The following CSMD1 variants were observed in gnomAD, a reference collection of about 807,000 sequenced individuals.
CSMD1 encodes the protein CUB and Sushi multiple domains 1.
CSMD1 carries 213 observed loss-of-function variants against 417.5 expected under a neutral mutation model. The observed-to-expected ratio is 0.51, with a 90% CI of 0.46 to 0.57. CSMD1 has a LOEUF of 0.57. Ranked by LOEUF, CSMD1 falls within the 20% of genes least tolerant of loss-of-function variation. The pLI, the probability that CSMD1 is intolerant of heterozygous loss-of-function variation, is 0.00. For missense variants in CSMD1, 6,923 were observed against 4,529.7 expected (o/e 1.53, Z -15.17); for synonymous variants, 2,862 against 1,736.8 (o/e 1.65, Z -16.11).
rs541140650 is a variant in CSMD1 at position 3,098,243 on chromosome 8, G to C, written c.6950-1206C>G. 1.1e-4 allele frequency among the ~76,000 whole-genome samples: 16 copies of C among 152,236 alleles called. No homozygotes were observed. The South Asian group carries it at 3.3e-3, about 31-fold the overall frequency. ...TTTTCCTTAATGAAAAAGAGCTTTT[G>C]TTAAATTTATTTATTGAGTTATCGC... is the stretch of plus-strand genomic sequence containing the variant. On this transcript the variant is annotated intron_variant, in intron 46 of 69. Transcript: ENST00000635120.
At chr8:4,985,400 G>C (rs1052866325) in intron 1 of CSMD1, among the ~76,000 whole-genome samples, 2 of 152,040 alleles carry the variant, frequency 1.3e-5, no homozygotes, top group African/African-American at 2.4e-5. Context: ...TGTGGTGTAG[G>C]TGAATAGGAA....
Position 3,819,751 on chromosome 8 carries a change from G to A in CSMD1, c.819-65709C>T, listed in dbSNP as rs563701809. 6.6e-5 allele frequency among the ~76,000 whole-genome samples: 10 copies of A among 152,158 alleles called. No homozygotes were observed. In the South Asian group the frequency reaches 1.7e-3, roughly 25 times the overall value. ...ACAGGCACATGTGGTACCATGATCA[G>A]CTAATTTTTAAAAATTATATAGAGA... On this transcript the variant is annotated intron_variant, in intron 5 of 69. Coordinates refer to ENST00000635120, the MANE Select transcript of CSMD1 (RefSeq NM_033225.6).
chr8:4,072,231 G>C lies in CSMD1; in HGVS notation c.416-40132C>G, dbSNP rs1240375967. On this transcript the variant is annotated intron_variant, in intron 3 of 69. Coordinates refer to ENST00000635120, the MANE Select transcript of CSMD1 (RefSeq NM_033225.6). ...TTTTATATTTCATCCACAGTTGCAA[G>C]TGAAGAAGGGTTGAATCCCATAGGA... Among the ~76,000 whole-genome samples the C allele has an allele frequency of 2.0e-5, 3 of 152,178 alleles. No individual in the cohort carries two copies. The East Asian group carries it at 5.8e-4, about 29-fold the overall frequency.
chr8:4,166,106 A>G (rs1051070664), intron 3 of CSMD1, among the ~76,000 whole-genome samples: 51 of 152,216 alleles, frequency 3.4e-4, no homozygotes, highest in African/African-American at 1.2e-3. Flanking sequence ...ATGAGGTCAT[A>G]GAGCAGCACT....
chr8:3,757,160 C>A (rs1221969668), intron 5 of CSMD1, among the ~76,000 whole-genome samples: 1 of 152,250 alleles, frequency 6.6e-6, no homozygotes, highest in Non-Finnish European at 1.5e-5. Flanking sequence ...AATCCCCTCT[C>A]TACCACCACC....
chr8:3,896,380 A>C (rs1235831117), intron 5 of CSMD1, among the ~76,000 whole-genome samples: 1 of 152,222 alleles, frequency 6.6e-6, no homozygotes, highest in African/African-American at 2.4e-5. Flanking sequence ...GTCCAAACAG[A>C]TGTTAACAAC....
intron 9 of CSMD1, among the ~76,000 whole-genome samples, chr8:3,583,991 G>A (rs913561141): frequency 2.6e-5 from 4 of 151,822 alleles, no homozygotes; most frequent in African/African-American, 9.7e-5. Flanking sequence ...TTGTCTAACT[G>A]AGTCAACACT....
chr8:4,181,142 T>A (rs948745982), intron 3 of CSMD1, among the ~76,000 whole-genome samples: 1 of 152,176 alleles, frequency 6.6e-6, no homozygotes, highest in African/African-American at 2.4e-5. Flanking sequence ...AACAGCCATC[T>A]ATTTTGGTGT....
chr8:4,294,053 G>A (rs1321703796), intron 3 of CSMD1, among the ~76,000 whole-genome samples: 1 of 152,164 alleles, frequency 6.6e-6, no homozygotes, highest in Non-Finnish European at 1.5e-5. Context: ...TGGTTCTCAA[G>A]TGACTATTGC....
At chr8:3,778,065 C>CA in intron 5 of CSMD1, among the ~76,000 whole-genome samples, 1 of 152,324 alleles carries the variant, frequency 6.6e-6, no homozygotes, top group African/African-American at 2.4e-5. Flanking sequence ...CACGTCCCTC[C>CA]AGGGGAAACT....
At chr8:4,212,543 C>CT (rs541401296) in intron 3 of CSMD1, among the ~76,000 whole-genome samples, 60 of 150,534 alleles carry the variant, frequency 4.0e-4, no homozygotes, top group African/African-American at 8.8e-4. Context: ...AATTTGTAGC[C>CT]TTTTTTTTTC....
intron 1 of CSMD1, among the ~76,000 whole-genome samples, chr8:4,786,013 G>A (rs763565770): frequency 7.2e-5 from 11 of 152,132 alleles, no homozygotes; most frequent in Admixed American, 7.2e-4. Context: ...CCCAGCAGTG[G>A]CTGGAGCTTC....
At chr8:4,358,821 A>G (rs1228378044) in intron 3 of CSMD1, among the ~76,000 whole-genome samples, 1 of 152,190 alleles carries the variant, frequency 6.6e-6, no homozygotes, top group Non-Finnish European at 1.5e-5. Context: ...TAAATCACGT[A>G]AGAGTGCCTT....
intron 3 of CSMD1, among the ~76,000 whole-genome samples, chr8:4,282,235 C>G (rs147680899): frequency 6.6e-6 from 1 of 152,140 alleles, no homozygotes; most frequent in Non-Finnish European, 1.5e-5. Flanking sequence ...AATCTTACAA[C>G]TGCATGCAAA....
At chr8:4,966,928 C>T (rs1035511130) in intron 1 of CSMD1, among the ~76,000 whole-genome samples, 1 of 152,128 alleles carries the variant, frequency 6.6e-6, no homozygotes, top group African/African-American at 2.4e-5. Context: ...ATTGGCAATC[C>T]AGTGTTGCAA....
At chr8:4,059,280 C>G (rs1798850605) in intron 3 of CSMD1, among the ~76,000 whole-genome samples, 1 of 151,974 alleles carries the variant, frequency 6.6e-6, no homozygotes, top group Admixed American at 6.6e-5. Flanking sequence ...ATCTCTGGGA[C>G]ACATTCAAAA....
intron 12 of CSMD1, among the ~76,000 whole-genome samples, chr8:3,411,721 C>T (rs147058163): frequency 0.011 from 1,356 of 121,244 alleles, 73 homozygotes; most frequent in Non-Finnish European, 0.015. Context: ...TATATATACA[C>T]GTACATATAT....
At chr8:4,789,215 T>C (rs1253502034) in intron 1 of CSMD1, among the ~76,000 whole-genome samples, 6 of 152,188 alleles carry the variant, frequency 3.9e-5, no homozygotes, top group Non-Finnish European at 5.9e-5. Context: ...TATTTGTAGT[T>C]AATATAAAGA....
At chr8:4,019,299 C>CAG (rs1417428527) in intron 4 of CSMD1, among the ~76,000 whole-genome samples, 6 of 152,184 alleles carry the variant, frequency 3.9e-5, no homozygotes, top group Non-Finnish European at 7.3e-5. Flanking sequence ...GAGCTTATCA[C>CAG]AGGCTTGGAA....
Sources: allele counts gnomAD v4.1 joint callset (sites outside exome capture counted in the v4.1 genomes callset), GRCh38; gene constraint gnomAD v4.1.1; transcripts MANE v1.5; gene names NCBI Gene and HGNC (gene_info 2026-07-23, HGNC 2026-07-21).